PRKAR1A: variants seen among roughly 807,000 people sequenced by gnomAD.
PRKAR1A encodes protein kinase cAMP-dependent type I regulatory subunit alpha.
Under a neutral mutation model 52.0 loss-of-function variants are expected in PRKAR1A, and 3 were observed. The ratio of observed to expected loss-of-function variants is 0.06; its 90% CI spans 0.03 to 0.15. PRKAR1A has a LOEUF of 0.15. PRKAR1A is among the 10% of genes least tolerant of loss of function. The pLI, the probability that PRKAR1A is intolerant of heterozygous loss-of-function variation, is 1.00. For synonymous variants in PRKAR1A, 188 were observed against 168.4 expected (o/e 1.12, Z -0.90); for missense variants, 240 against 477.4 (o/e 0.50, Z 4.63).
the PRKAR1A span, among the ~76,000 whole-genome samples, chr17:68,426,729 T>G: frequency 6.6e-6 from 1 of 152,084 alleles, no homozygotes; most frequent in Non-Finnish European, 1.5e-5. Flanking sequence ...GAGATGGGGT[T>G]TCACCATGTT....
chr17:68,473,487 GA>G, the PRKAR1A span, among the ~76,000 whole-genome samples: 1 of 152,108 alleles, frequency 6.6e-6, no homozygotes, highest in Non-Finnish European at 1.5e-5. Flanking sequence ...GAAAACAGTT[GA>G]TTTGGTAAAT....
intron 11 of PRKAR1A, among the ~76,000 whole-genome samples, chr17:68,544,276 G>T (rs1481533295): frequency 6.6e-6 from 1 of 152,212 alleles, no homozygotes; most frequent in Non-Finnish European, 1.5e-5. Flanking sequence ...GCCGGATCAT[G>T]AGGGCTGGGG....
the PRKAR1A span, among the ~76,000 whole-genome samples, chr17:68,494,019 G>T: frequency 6.6e-6 from 1 of 152,138 alleles, no homozygotes; most frequent in Admixed American, 6.5e-5. Context: ...ACAACGTTGT[G>T]AATAGTTTCT....
chr17:68,421,657 C>T, the PRKAR1A span: 34 of 1,463,178 alleles, frequency 2.3e-5, no homozygotes, highest in Admixed American at 1.5e-4. Flanking sequence ...GTGGAGCACC[C>T]GGGATTCCTG....
rs774083308 is a variant in PRKAR1A at position 68,523,827 on chromosome 17, G to C, written c.440+11G>C. ...TGATAATGAGAGAAGGTAGGAACAG[G>C]CTCTTTCTTAACACTATTTTTCAAG... On this transcript the variant is annotated intron_variant, in intron 4 of 10. Coordinates refer to ENST00000589228, the MANE Select transcript of PRKAR1A (RefSeq NM_002734.5). 6 of 1,611,682 alleles carry C rather than the reference G, an allele frequency of 3.7e-6. No homozygotes were observed. Among genetic ancestry groups the C allele is most frequent in the Non-Finnish European group, 4.2e-6 (5 of 1,177,952 alleles).
chr17:68,535,682 T>G (rs1045760411), downstream of PRKAR1A: 1 of 446,904 alleles, frequency 2.2e-6, no homozygotes, highest in Admixed American at 2.4e-5. Flanking sequence ...TTTTTTTTTT[T>G]GTATTTTTTT....
intron 11 of PRKAR1A, chr17:68,542,854 G>T: frequency 2.7e-6 from 4 of 1,457,054 alleles, no homozygotes; most frequent in Non-Finnish European, 2.9e-6. Context: ...TGATCAGGGA[G>T]TGAGGAGGAG....
chr17:68,491,251 C>G, the PRKAR1A span, among the ~76,000 whole-genome samples: 1 of 152,012 alleles, frequency 6.6e-6, no homozygotes, highest in African/African-American at 2.4e-5. Context: ...GCCACCATGC[C>G]CAGCTAATTT....
At chr17:68,421,968 A>G in the PRKAR1A span, 76 of 882,292 alleles carry the variant, frequency 8.6e-5, no homozygotes, top group Admixed American at 1.5e-4. Flanking sequence ...TCATGGCCAC[A>G]GAATGGTCAC....
chr17:68,492,514 G>A, the PRKAR1A span, among the ~76,000 whole-genome samples: 1 of 152,168 alleles, frequency 6.6e-6, no homozygotes, highest in African/African-American at 2.4e-5. Flanking sequence ...AGAGCGAAAG[G>A]GAGAAGAAAA....
chr17:68,533,000 G>GA lies in PRKAR1A; in HGVS notation c.*2558dup. 1.9e-6 allele frequency: 2 copies of GA among 1,065,780 alleles called. No individual in the cohort carries two copies. The highest frequency in any genetic ancestry group is 1.1e-6 in the Non-Finnish European group (1 of 879,638). 66.0% of individuals were successfully genotyped at this position (1,065,780 alleles called of 1,614,324 possible). On this transcript the variant is annotated 3_prime_UTR_variant, in exon 11 of 11. Transcript: ENST00000589228. ...AGATTTATTTACTTAGTCATGGAAA[G>GA]AAAAAAATTCAGTCAAAAGCTAAAG... is the stretch of plus-strand genomic sequence containing the variant.
At chr17:68,450,732 C>T in the PRKAR1A span, 18 of 1,604,862 alleles carry the variant, frequency 1.1e-5, no homozygotes, top group South Asian at 7.8e-5. Flanking sequence ...ACTTACTTGC[C>T]GGTTCAGCCT....
intron 2 of PRKAR1A, among the ~76,000 whole-genome samples, chr17:68,522,453 G>T (rs997255568): frequency 6.6e-6 from 1 of 152,144 alleles, no homozygotes; most frequent in Non-Finnish European, 1.5e-5. Context: ...GATAATTGTT[G>T]TCAAGACATT....
chr17:68,436,189 C>CA, the PRKAR1A span, among the ~76,000 whole-genome samples: 1 of 152,208 alleles, frequency 6.6e-6, no homozygotes, highest in Non-Finnish European at 1.5e-5. Context: ...TTGGCCTGGC[C>CA]AGCTGGCTTA....
At chr17:68,515,146 AGC>A (rs2085390022) in intron 1 of PRKAR1A, 1 of 507,360 alleles carries the variant, frequency 2.0e-6, no homozygotes, top group East Asian at 3.6e-5. Context: ...TCCTCCCAGG[AGC>A]TGAGGTTATC....
At chr17:68,537,243 G>A (rs1254474070), downstream of PRKAR1A, 2 of 679,440 alleles carry the variant, frequency 2.9e-6, no homozygotes, top group Non-Finnish European at 5.3e-6. The surrounding 1 kb of genome is among the most constrained non-coding windows in gnomAD (Gnocchi z 4.2). Context: ...TGGCCTTGAT[G>A]AAGCCAGTGC....
At chr17:68,523,442 A>G (rs1164568560) in intron 3 of PRKAR1A, among the ~76,000 whole-genome samples, 1 of 152,232 alleles carries the variant, frequency 6.6e-6, no homozygotes, top group Non-Finnish European at 1.5e-5. Flanking sequence ...CCTCAGAATA[A>G]TGACCTTGGT....
chr17:68,430,644 C>T, the PRKAR1A span, among the ~76,000 whole-genome samples: 2 of 152,168 alleles, frequency 1.3e-5, no homozygotes, highest in Non-Finnish European at 1.5e-5. Context: ...TGTAGATAAC[C>T]CTGGAGTCAC....
chr17:68,487,802 AC>A, the PRKAR1A span, among the ~76,000 whole-genome samples: 3,618 of 145,110 alleles, frequency 0.025, 133 homozygotes, highest in African/African-American at 0.084. Flanking sequence ...CTCATCTCAG[AC>A]AAAAAAAAAA....
Sources: allele counts gnomAD v4.1 joint callset (sites outside exome capture counted in the v4.1 genomes callset), GRCh38; gene constraint gnomAD v4.1.1; non-coding constraint Gnocchi (gnomAD v3.1); transcripts MANE v1.5; gene names NCBI Gene and HGNC (gene_info 2026-07-23, HGNC 2026-07-21).